The following ELMOD1 variants were observed in gnomAD, a reference collection of about 807,000 sequenced individuals.
ELMOD1 encodes the protein ELMO domain containing 1.
In ELMOD1, 21 loss-of-function variants were observed where a neutral mutation model predicts 46.7. That is an observed-to-expected ratio of 0.45 (90% CI 0.32 to 0.65). ELMOD1 has a LOEUF of 0.65. Ranked by LOEUF, ELMOD1 falls within the 30% of genes least tolerant of loss-of-function variation. The probability of loss-of-function intolerance (pLI) is 0.04; values close to 1 mark genes in which losing one functional copy is unlikely to be tolerated. For synonymous variants in ELMOD1, 122 were observed against 138.2 expected (o/e 0.88, Z 0.82); for missense variants, 348 against 407.8 (o/e 0.85, Z 1.26).
intron 6 of ELMOD1, among the ~76,000 whole-genome samples, chr11:107,636,819 C>T (rs954342755): frequency 1.3e-5 from 2 of 152,136 alleles, no homozygotes; most frequent in Non-Finnish European, 2.9e-5. Context: ...TTTAGCTAAC[C>T]TGCTGAATTT....
At chr11:107,612,769 TACTTG>T (rs914255136) in intron 1 of ELMOD1, among the ~76,000 whole-genome samples, 8 of 152,224 alleles carry the variant, frequency 5.3e-5, no homozygotes, top group African/African-American at 1.7e-4. Flanking sequence ...AAAACAAAGC[TACTTG>T]ACTTTAAAAA....
At chr11:107,640,782 A>G (rs958542716) in intron 6 of ELMOD1, among the ~76,000 whole-genome samples, 4 of 152,198 alleles carry the variant, frequency 2.6e-5, no homozygotes, top group African/African-American at 9.7e-5. Context: ...TTTATCAAAA[A>G]CAGCATTCAA....
At chr11:107,645,955 T>C (rs944770255) in intron 6 of ELMOD1, among the ~76,000 whole-genome samples, 2 of 152,224 alleles carry the variant, frequency 1.3e-5, no homozygotes, top group African/African-American at 4.8e-5. Flanking sequence ...TTTAGCAAGG[T>C]ATTTTGTGTA....
In ELMOD1 at chr11:107,592,062, G is replaced by T. The variant is rs1425836808; in HGVS notation, c.-86+653G>T. 8 of 452,364 alleles carry T rather than the reference G, an allele frequency of 1.8e-5. No individual in the cohort carries two copies. In the Admixed American group the frequency reaches 1.9e-4, roughly 11 times the overall value. The allele number at this position is 452,364 out of a possible 1,614,324, so 28.0% of individuals were successfully genotyped here. A position where few individuals can be genotyped will look rare whatever the true frequency, so the allele number is the denominator to read the frequency against. On this transcript the variant is annotated intron_variant, in intron 1 of 11. Transcript: ENST00000265840. ...ACAGCTGACGGGGCTGTTAAAAGCAGAGCAGTGGAGTGTGGTGGTGGGGTG... is the reference window on the plus strand; with the variant it reads ...ACAGCTGACGGGGCTGTTAAAAGCATAGCAGTGGAGTGTGGTGGTGGGGTG...
intron 9 of ELMOD1, 32 bp from the exon 10 acceptor site, chr11:107,654,140 T>G: frequency 6.4e-7 from 1 of 1,552,652 alleles, no homozygotes. Context: ...AGGTTAAATC[T>G]GACTTACTTA....
intron 6 of ELMOD1, among the ~76,000 whole-genome samples, chr11:107,646,234 C>T (rs1866424487): frequency 6.6e-6 from 1 of 151,966 alleles, no homozygotes; most frequent in Admixed American, 6.6e-5. Context: ...AAAAATAGAA[C>T]CAGCTTATTA....
intron 11 of ELMOD1, among the ~76,000 whole-genome samples, chr11:107,659,804 G>C (rs1186087831): frequency 6.6e-6 from 1 of 152,096 alleles, no homozygotes; most frequent in African/African-American, 2.4e-5. Flanking sequence ...GCTCACACCT[G>C]TAATCCCAGC....
intron 6 of ELMOD1, among the ~76,000 whole-genome samples, chr11:107,644,232 G>A (rs1035516281): frequency 1.1e-4 from 17 of 151,764 alleles, no homozygotes; most frequent in African/African-American, 4.1e-4. Context: ...GGAAGCAGAG[G>A]TTGCAGTGAG....
At chr11:107,637,855 C>A (rs1866256519) in intron 6 of ELMOD1, among the ~76,000 whole-genome samples, 1 of 152,184 alleles carries the variant, frequency 6.6e-6, no homozygotes, top group South Asian at 2.1e-4. Context: ...AGATTCTTCT[C>A]TCACATCATC....
intron 7 of ELMOD1, among the ~76,000 whole-genome samples, chr11:107,649,041 A>G (rs1866480748): frequency 6.6e-6 from 1 of 152,106 alleles, no homozygotes; most frequent in Non-Finnish European, 1.5e-5. Context: ...CTTTCCCTTT[A>G]TTTTAAATTT....
intron 6 of ELMOD1, among the ~76,000 whole-genome samples, chr11:107,645,047 C>G (rs1046341734): frequency 4.7e-5 from 7 of 150,358 alleles, no homozygotes; most frequent in Non-Finnish European, 5.9e-5. Flanking sequence ...TTCAGCCTCC[C>G]GAATAGCTGG....
intron 1 of ELMOD1, chr11:107,592,586 C>A: frequency 7.3e-6 from 2 of 272,334 alleles, no homozygotes; most frequent in Non-Finnish European, 1.6e-5. Context: ...GTCATTCCCT[C>A]CCCCAGAAGT....
chr11:107,603,186 G>C (rs1865631480), intron 1 of ELMOD1, among the ~76,000 whole-genome samples: 1 of 152,104 alleles, frequency 6.6e-6, no homozygotes, highest in African/African-American at 2.4e-5. Flanking sequence ...AATGGAGAGG[G>C]GTTATGCCTA....
At chr11:107,624,352 T>G (rs982083815) in intron 2 of ELMOD1, among the ~76,000 whole-genome samples, 1 of 152,166 alleles carries the variant, frequency 6.6e-6, no homozygotes, top group Non-Finnish European at 1.5e-5. Context: ...AACCTGATTT[T>G]AAAAAATAAA....
intron 1 of ELMOD1, among the ~76,000 whole-genome samples, chr11:107,596,059 C>G (rs1865487737): frequency 6.6e-6 from 1 of 152,018 alleles, no homozygotes; most frequent in Non-Finnish European, 1.5e-5. Context: ...AAGGCAATAA[C>G]TGTAGATTCA....
At chr11:107,602,129 T>A (rs548762714) in intron 1 of ELMOD1, among the ~76,000 whole-genome samples, 98 of 152,348 alleles carry the variant, frequency 6.4e-4, no homozygotes, top group African/African-American at 2.3e-3. Flanking sequence ...TTTGGCTAAG[T>A]GTAGAAATGT....
rs758380878 is a variant in ELMOD1 at position 107,666,611 on chromosome 11, T to A, written c.*1414T>A. The stretch of plus-strand genomic sequence containing the variant: ...GTTTGGAATTATGATTGTAGTCTGT[T>A]GAATAGTATTTACCATGGCATTTCA... On this transcript the variant is annotated 3_prime_UTR_variant, in exon 12 of 12. Transcript: ENST00000265840. 4 of 152,668 alleles carry A rather than the reference T, an allele frequency of 2.6e-5. No individual in the cohort carries two copies. Among genetic ancestry groups the A allele is most frequent in the Non-Finnish European group, 5.9e-5 (4 of 68,040 alleles). The allele number at this position is 152,668 out of a possible 1,614,324, so 9.5% of individuals were successfully genotyped here.
chr11:107,619,023 C>T lies in ELMOD1; in HGVS notation c.17+817C>T, dbSNP rs181193251. On this transcript the variant is annotated intron_variant, in intron 2 of 11. Coordinates refer to ENST00000265840, the MANE Select transcript of ELMOD1 (RefSeq NM_018712.4). Reference sequence around the variant, plus strand: ...CTGTTACACATTCTTGTCTTTCACTCGGGCCTGTTTTCTCTAAGCAAATTA... The same window carrying T: ...CTGTTACACATTCTTGTCTTTCACTTGGGCCTGTTTTCTCTAAGCAAATTA... Among the ~76,000 whole-genome samples, 446 of 152,226 alleles carry T rather than the reference C, an allele frequency of 2.9e-3. 3 individuals are homozygous for T. Among genetic ancestry groups the T allele is most frequent in the African/African-American group, 0.01 (424 of 41,528 alleles).
chr11:107,631,397 ACCC>A (rs10539761), intron 4 of ELMOD1, among the ~76,000 whole-genome samples, 180 bp from the exon 5 acceptor site: 44,917 of 133,894 alleles, frequency 0.34, 7,558 homozygotes, highest in African/African-American at 0.46. Flanking sequence ...AAATTGCACT[ACCC>A]CCCCCCCCAT....
Sources: gnomAD v4.1 joint callset for allele counts (sites outside exome capture counted in the v4.1 genomes callset) on GRCh38, gnomAD v4.1.1 for gene constraint, MANE v1.5 for transcripts, NCBI Gene and HGNC (gene_info 2026-07-23, HGNC 2026-07-21) for gene names.